Variants in GPLD1 observed in about 807,000 individuals in gnomAD.
GPLD1 encodes phosphatidylinositol-glycan-specific phospholipase D.
GPLD1 carries 84 observed loss-of-function variants against 112.6 expected under a neutral mutation model. That is an observed-to-expected ratio of 0.75 (90% CI 0.63 to 0.89). The LOEUF (loss-of-function observed/expected upper bound fraction) is 0.89. GPLD1 is among the 40% of genes least tolerant of loss of function. GPLD1 has a pLI of 0.00. For synonymous variants in GPLD1, 386 were observed against 403.8 expected (o/e 0.96, Z 0.53); for missense variants, 1,044 against 1,051.5 (o/e 0.99, Z 0.10).
chr6:24,472,353 T>C (rs1311677166), intron 7 of GPLD1, among the ~76,000 whole-genome samples: 2 of 152,204 alleles, frequency 1.3e-5, no homozygotes, highest in African/African-American at 2.4e-5. Flanking sequence ...TAAGTTAAGA[T>C]GATCATTTTG....
chr6:24,490,267 GCTCACGATATATT>G (rs1357857554), upstream of GPLD1, among the ~76,000 whole-genome samples: 15 of 152,140 alleles, frequency 9.9e-5, no homozygotes, highest in Admixed American at 2.0e-4. Context: ...AAAATGTTAA[GCTCACGATATATT>G]ATCAGGTACC....
In GPLD1 at chr6:24,436,711, C is replaced by G. The variant is rs772753742; in HGVS notation, c.2223G>C (p.Leu741=). The G allele has an allele frequency of 8.1e-6, 13 of 1,614,030 alleles. No homozygotes were observed. The South Asian group carries it at 1.3e-4, about 16-fold the overall frequency. ...GLDEIIMAAP[L]RIADVTSGLI... is the part of the protein sequence containing the mutation. The stretch of plus-strand genomic sequence containing the variant: ...GTCCAGAGGTTACATCTGCTATCCT[C>G]AGGGGGGCTGCCATGATGATTTCAT... The change falls in exon 22 of 25, where the codon CTG becomes CTC. Residue 741 remains leucine, a synonymous_variant. Coordinates refer to ENST00000230036, the MANE Select transcript of GPLD1 (RefSeq NM_001503.4).
intron 1 of GPLD1, among the ~76,000 whole-genome samples, chr6:24,488,360 C>T (rs1190815884): frequency 6.6e-6 from 1 of 151,116 alleles, no homozygotes; most frequent in Non-Finnish European, 1.5e-5. Flanking sequence ...TGCAGTGAGC[C>T]GAGATTGCGC....
intron 1 of GPLD1, among the ~76,000 whole-genome samples, chr6:24,486,474 A>C (rs1764380256): frequency 6.6e-6 from 1 of 152,222 alleles, no homozygotes; most frequent in African/African-American, 2.4e-5. Context: ...GAAATAATAA[A>C]TGCTAAGTGA....
Position 24,436,744 on chromosome 6 carries a change from C to A in GPLD1, c.2198-8G>T, listed in dbSNP as rs758365189. 2 of 1,611,306 alleles carry A rather than the reference C, an allele frequency of 1.2e-6. No homozygotes were observed. Among genetic ancestry groups the A allele is most frequent in the Non-Finnish European group, 1.7e-6 (2 of 1,179,184 alleles). ...CTGCCATGATGATTTCATCTGAAAA[C>A]AATAAAAACCGACAGAAGGAAGTAT... is the stretch of plus-strand genomic sequence containing the variant. On this transcript the variant is annotated splice_region_variant and splice_polypyrimidine_tract_variant and intron_variant, in intron 21 of 24. Coordinates refer to ENST00000230036, the MANE Select transcript of GPLD1 (RefSeq NM_001503.4).
chr6:24,462,122 T>A (rs892484723), intron 11 of GPLD1, among the ~76,000 whole-genome samples: 5 of 152,110 alleles, frequency 3.3e-5, no homozygotes, highest in African/African-American at 1.2e-4. Context: ...GTTACAATAA[T>A]ACTAACTACA....
intron 12 of GPLD1, among the ~76,000 whole-genome samples, chr6:24,459,562 A>G (rs191935121): frequency 5.0e-4 from 76 of 152,200 alleles, no homozygotes; most frequent in African/African-American, 1.8e-3. Flanking sequence ...CATTCTCCCT[A>G]CTATCTAATG....
chr6:24,495,102 G>A, exon 1 of GPLD1: 1 of 1,315,332 alleles, frequency 7.6e-7, no homozygotes, highest in Non-Finnish European at 9.6e-7. Flanking sequence ...CCCTGCCTCC[G>A]GGCCTGCGCC....
intron 6 of GPLD1, among the ~76,000 whole-genome samples, 185 bp from the exon 7 acceptor site, chr6:24,472,821 G>A (rs888011090): frequency 1.3e-5 from 2 of 151,684 alleles, no homozygotes; most frequent in African/African-American, 2.4e-5. Context: ...TATTGCCCAG[G>A]CTGGAGTGCA....
intron 20 of GPLD1, among the ~76,000 whole-genome samples, chr6:24,443,918 C>T (rs1253841404): frequency 2.0e-5 from 3 of 152,134 alleles, no homozygotes; most frequent in Non-Finnish European, 4.4e-5. Flanking sequence ...AACTGATCCA[C>T]CCACCTCTGC....
chr6:24,467,024 C>T (rs1392613729), intron 8 of GPLD1, 85 bp from the exon 9 acceptor site: 2 of 1,236,522 alleles, frequency 1.6e-6, no homozygotes, highest in Admixed American at 1.7e-5. Context: ...GTTCCATCCA[C>T]CCTTTTCCAC....
At chr6:24,485,670 GTC>G (rs1561860045) in intron 2 of GPLD1, among the ~76,000 whole-genome samples, 4 of 141,036 alleles carry the variant, frequency 2.8e-5, no homozygotes, top group Admixed American at 7.0e-5. Context: ...TAAATAATGA[GTC>G]TCTTTTTTTT....
intron 24 of GPLD1, among the ~76,000 whole-genome samples, chr6:24,430,981 T>C (rs972908019): frequency 6.6e-6 from 1 of 152,246 alleles, no homozygotes; most frequent in African/African-American, 2.4e-5. Flanking sequence ...AGTTGATATA[T>C]GTATAGTTTT....
intron 20 of GPLD1, among the ~76,000 whole-genome samples, chr6:24,438,844 C>T (rs370315479): frequency 1.1e-4 from 17 of 151,998 alleles, no homozygotes; most frequent in African/African-American, 2.9e-4. Context: ...TGGAGTACAG[C>T]GGCGTGATCT....
At chr6:24,487,433 T>G (rs948343656) in intron 1 of GPLD1, among the ~76,000 whole-genome samples, 4 of 152,242 alleles carry the variant, frequency 2.6e-5, no homozygotes, top group African/African-American at 9.6e-5. Flanking sequence ...ATATTATTCT[T>G]TAAATGTCCA....
intron 18 of GPLD1, 22 bp from the exon 19 acceptor site, chr6:24,445,853 T>C: frequency 3.2e-6 from 5 of 1,539,836 alleles, no homozygotes; most frequent in Non-Finnish European, 4.5e-6. Flanking sequence ...CACACTGGGC[T>C]TAGCTGCCAG....
intron 18 of GPLD1, among the ~76,000 whole-genome samples, 164 bp from the exon 19 acceptor site, chr6:24,445,995 C>T (rs116372098): frequency 0.012 from 1,778 of 151,936 alleles, 28 homozygotes; most frequent in African/African-American, 0.041. Context: ...TGGAGTTAAT[C>T]GCAACATCCA....
intron 20 of GPLD1, among the ~76,000 whole-genome samples, chr6:24,438,934 G>A (rs905240716): frequency 3.9e-5 from 6 of 152,056 alleles, no homozygotes; most frequent in Admixed American, 1.3e-4. Context: ...CTACAGGCAC[G>A]CGCCACCACG....
At chr6:24,462,006 C>A (rs1436707450) in intron 11 of GPLD1, among the ~76,000 whole-genome samples, 1 of 152,180 alleles carries the variant, frequency 6.6e-6, no homozygotes, top group Non-Finnish European at 1.5e-5. Flanking sequence ...ACAAACCAGG[C>A]TTCTGGCCCT....
Sources: allele counts gnomAD v4.1 joint callset (sites outside exome capture counted in the v4.1 genomes callset), GRCh38; gene constraint gnomAD v4.1.1; transcripts MANE v1.5; gene names NCBI Gene and HGNC (gene_info 2026-07-23, HGNC 2026-07-21).